Variants in IFT88 observed in about 807,000 individuals in gnomAD.
The protein encoded by IFT88 is intraflagellar transport protein 88 homolog.
Under a neutral mutation model 119.5 loss-of-function variants are expected in IFT88, and 74 were observed. That is an observed-to-expected ratio of 0.62 (90% CI 0.51 to 0.75). The LOEUF is 0.75. IFT88 is among the 30% of genes least tolerant of loss of function. The probability of loss-of-function intolerance (pLI) is 0.00; values close to 1 mark genes in which losing one functional copy is unlikely to be tolerated. For missense variants in IFT88, 961 were observed against 977.7 expected (o/e 0.98, Z 0.23); for synonymous variants, 279 against 316.7 (o/e 0.88, Z 1.26).
chr13:20,595,971 C>A (rs1017464905), intron 7 of IFT88, among the ~76,000 whole-genome samples, 179 bp from the exon 8 acceptor site: 1 of 152,034 alleles, frequency 6.6e-6, no homozygotes, highest in Non-Finnish European at 1.5e-5. Flanking sequence ...ATGACCTGAG[C>A]CCAGGAGTCA....
At position 20,589,843 on chromosome 13, in the gene IFT88, T is replaced by G. The variant is rs1182893032; in HGVS notation, c.186T>G (p.Thr62=). The G allele has an allele frequency of 6.3e-7, 1 of 1,599,322 alleles. No individual in the cohort carries two copies. The highest frequency in any genetic ancestry group is 8.5e-7 in the Non-Finnish European group (1 of 1,169,926). The change falls in exon 4 of 26, where the codon ACT becomes ACG. Residue 62 remains threonine, a synonymous_variant. Transcript: ENST00000351808. Reference sequence around the variant, plus strand: ...CTAAAATATCAAGCACGGCAGTTACTAGACCTATAGCTACTGGATATGGGG... The same window carrying G: ...CTAAAATATCAAGCACGGCAGTTACGAGACCTATAGCTACTGGATATGGGG... ...ITAKISSTAV[T]RPIATGYGSK...
intron 2 of IFT88, among the ~76,000 whole-genome samples, chr13:20,575,764 CA>C (rs1359579700): frequency 6.6e-6 from 1 of 152,188 alleles, no homozygotes; most frequent in African/African-American, 2.4e-5. Context: ...TTCTCTGGTG[CA>C]AAAGTAACTG....
intron 3 of IFT88, among the ~76,000 whole-genome samples, chr13:20,586,146 G>A (rs1372774570): frequency 3.3e-5 from 5 of 152,186 alleles, no homozygotes; most frequent in Non-Finnish European, 1.5e-5. Context: ...GGAAACTGAA[G>A]CCTAGAAAAG....
chr13:20,663,819 T>G (rs1047565493), intron 23 of IFT88, among the ~76,000 whole-genome samples: 1 of 152,230 alleles, frequency 6.6e-6, no homozygotes, highest in African/African-American at 2.4e-5. Context: ...AGATTTCATA[T>G]TATCTTAGTG....
In IFT88 at chr13:20,596,187, A is replaced by C; in HGVS notation, c.436A>C (p.Asn146His). The change falls in exon 8 of 26, where the codon AAT becomes CAT. Residue 146 changes from asparagine to histidine, a missense_variant. Coordinates refer to ENST00000351808, the MANE Select transcript of IFT88 (RefSeq NM_006531.5). ...EKIKQLEKEV[N>H]ELVEESCIAN... ...AATAAAGCAATTAGAGAAGGAAGTA[A>C]ATGAGTTGGTAGAAGAAAGCTGTAT... is the stretch of plus-strand genomic sequence containing the variant. 6.4e-7 allele frequency: 1 copy of C among 1,561,636 alleles called. No homozygotes were observed. The highest frequency in any genetic ancestry group is 8.7e-7 in the Non-Finnish European group (1 of 1,147,832).
intron 5 of IFT88, 39 bp from the exon 6 acceptor site, chr13:20,591,579 A>G: frequency 1.4e-6 from 2 of 1,479,070 alleles, no homozygotes; most frequent in Admixed American, 1.7e-5. Context: ...TAGGAGATAG[A>G]TCTTATTTAA....
chr13:20,598,619 A>G, intron 9 of IFT88, 32 bp from the exon 10 acceptor site: 1 of 1,389,002 alleles, frequency 7.2e-7, no homozygotes, highest in Non-Finnish European at 1.0e-6. Flanking sequence ...AAGTGGTCTT[A>G]TGTGTCTTTT....
Position 20,653,944 on chromosome 13 carries a change from T to C in IFT88, c.2002+16T>C. ...AGAAGAAGTGGTAAATGCTTTAGTT[T>C]TATTCATTTTATAGATATTTTGCTT... On this transcript the variant is annotated intron_variant, in intron 21 of 25. Transcript: ENST00000351808. The C allele has an allele frequency of 6.6e-7, 1 of 1,509,038 alleles. No homozygotes were observed. The highest frequency in any genetic ancestry group is 9.0e-7 in the Non-Finnish European group (1 of 1,105,338). 93.5% of individuals were successfully genotyped at this position (1,509,038 alleles called of 1,614,324 possible). A position where few individuals can be genotyped will look rare whatever the true frequency, so the allele number is the denominator to read the frequency against.
intron 24 of IFT88, among the ~76,000 whole-genome samples, chr13:20,680,896 C>T (rs1223228800): frequency 2.0e-5 from 3 of 152,206 alleles, no homozygotes; most frequent in Non-Finnish European, 2.9e-5. Flanking sequence ...CCAGTTGTTC[C>T]GCTTCTATCT....
intron 13 of IFT88, chr13:20,608,043 C>T (rs1025130290): frequency 5.4e-6 from 3 of 552,892 alleles, no homozygotes; most frequent in Non-Finnish European, 1.0e-5. Flanking sequence ...CCAATGGCCT[C>T]CTCTTCCCCC....
In IFT88 at chr13:20,591,623, A is replaced by G. The variant is rs2040704656; in HGVS notation, c.270A>G (p.Gly90=). 1.2e-6 allele frequency: 2 copies of G among 1,611,294 alleles called. No individual in the cohort carries two copies. The highest frequency in any genetic ancestry group is 2.7e-5 in the African/African-American group (2 of 74,842). The change falls in exon 6 of 26, where the codon GGA becomes GGG. Residue 90 remains glycine (G), a synonymous_variant. Coordinates refer to ENST00000351808, the MANE Select transcript of IFT88 (RefSeq NM_006531.5). ...GATTCCCATTCTCTTTAAAGGATGGAGTTACTAGACCCATGACAGCAGTGA... is the reference window on the plus strand; with the variant it reads ...GATTCCCATTCTCTTTAAAGGATGGGGTTACTAGACCCATGACAGCAGTGA... ...GRPMTGAIQD[G]VTRPMTAVRA... is the part of the protein sequence containing the mutation.
At chr13:20,605,997 G>T (rs1354258507) in intron 13 of IFT88, among the ~76,000 whole-genome samples, 1 of 132,570 alleles carries the variant, frequency 7.5e-6, no homozygotes, top group Non-Finnish European at 1.6e-5. Flanking sequence ...GTCATTTAGG[G>T]TTTATATGTA....
At chr13:20,688,063 C>T (rs756570975) in intron 24 of IFT88, among the ~76,000 whole-genome samples, 6 of 152,188 alleles carry the variant, frequency 3.9e-5, no homozygotes, top group Non-Finnish European at 5.9e-5. Flanking sequence ...TGGCCGGGCA[C>T]GGTGGCTGAA....
intron 23 of IFT88, among the ~76,000 whole-genome samples, chr13:20,667,731 C>T (rs867044838): frequency 2.0e-5 from 3 of 151,818 alleles, no homozygotes; most frequent in Admixed American, 1.3e-4. Context: ...TGTGAGCCAC[C>T]GCGCCCAGCC....
intron 2 of IFT88, among the ~76,000 whole-genome samples, chr13:20,581,967 G>T (rs2038761043): frequency 6.6e-6 from 1 of 151,468 alleles, no homozygotes; most frequent in Non-Finnish European, 1.5e-5. Context: ...ATTTTATTTT[G>T]ATTATTTTCA....
At chr13:20,680,574 T>C (rs897088485) in intron 24 of IFT88, among the ~76,000 whole-genome samples, 1 of 152,232 alleles carries the variant, frequency 6.6e-6, no homozygotes, top group Non-Finnish European at 1.5e-5. Context: ...TGTCCTGCCT[T>C]CTTCAGATTT....
chr13:20,571,509 A>T (rs1457888443), intron 1 of IFT88, among the ~76,000 whole-genome samples: 1 of 152,214 alleles, frequency 6.6e-6, no homozygotes, highest in African/African-American at 2.4e-5. Flanking sequence ...ATTCTTTAGT[A>T]ATTATTAGAT....
At chr13:20,660,298 G>C (rs1301878905) in intron 22 of IFT88, among the ~76,000 whole-genome samples, 1 of 152,162 alleles carries the variant, frequency 6.6e-6, no homozygotes, top group Non-Finnish European at 1.5e-5. Context: ...GAAGCACAGT[G>C]GACGATGTGA....
intron 1 of IFT88, among the ~76,000 whole-genome samples, chr13:20,570,167 A>ATT (rs1340674513): frequency 6.6e-6 from 1 of 152,242 alleles, no homozygotes; most frequent in Non-Finnish European, 1.5e-5. Context: ...CAATACTACA[A>ATT]TGAGATACCA....
Sources: gnomAD v4.1 joint callset for allele counts (sites outside exome capture counted in the v4.1 genomes callset) on GRCh38, gnomAD v4.1.1 for gene constraint, MANE v1.5 for transcripts, NCBI Gene and HGNC (gene_info 2026-07-23, HGNC 2026-07-21) for gene names.